The following CERS3 variants were observed in gnomAD, a reference collection of about 807,000 sequenced individuals.
CERS3 encodes the protein LAG1 homolog, ceramide synthase 3.
CERS3 carries 33 observed loss-of-function variants against 50.3 expected under a neutral mutation model. The ratio of observed to expected loss-of-function variants is 0.66; its 90% CI spans 0.50 to 0.88. CERS3 has a LOEUF of 0.88. Among genes scored for constraint, CERS3 ranks in the 40% least tolerant of loss-of-function variants. CERS3 has a pLI of 0.00. For synonymous variants in CERS3, 176 were observed against 155.2 expected, an observed-to-expected ratio of 1.13 and a Z score of -0.99; for missense variants, 470 against 460.3, an observed-to-expected ratio of 1.02 and a Z score of -0.19.
intron 1 of CERS3, among the ~76,000 whole-genome samples, chr15:100,543,072 C>T (rs1197330596): frequency 6.6e-6 from 1 of 152,084 alleles, no homozygotes; most frequent in Non-Finnish European, 1.5e-5. Flanking sequence ...CACCACCACA[C>T]CTGGCTAGTT....
In CERS3 at chr15:100,402,431, C is replaced by T. The variant is rs2030616557; in HGVS notation, c.*282G>A. ...ACAAAGCGAGCCCCTGAGAAAGTGA[C>T]ATGCATGAGGGAGTGCAATTAGAAC... On this transcript the variant is annotated 3_prime_UTR_variant, in exon 12 of 12. Transcript: ENST00000679737. 2.7e-6 allele frequency: 1 copy of T among 370,950 alleles called. No individual in the cohort carries two copies. Among genetic ancestry groups the T allele is most frequent in the Non-Finnish European group, 4.9e-6 (1 of 206,012 alleles). 23.0% of individuals were successfully genotyped at this position (370,950 alleles called of 1,614,324 possible). A position where few individuals can be genotyped will look rare whatever the true frequency, so the allele number is the denominator to read the frequency against.
chr15:100,469,397 G>A lies in CERS3; in HGVS notation c.826C>T (p.Leu276Phe). 1 of 1,613,836 alleles carries A rather than the reference G, an allele frequency of 6.2e-7. No homozygotes were observed. Among genetic ancestry groups the A allele is most frequent in the South Asian group, 1.1e-5 (1 of 91,076 alleles). ...ACTCACCAGAAAGGAAAAACAATGA[G>A]GCGGCTGATGAAAAATATGGTGGAG... ...IFSTIFFISRLIVFPFWILYC... is the reference protein window; with the variant it reads ...IFSTIFFISRFIVFPFWILYC... Residue 276 changes from leucine (L) to phenylalanine (F), a missense_variant, in exon 10 of 12, where the codon CTC (leucine) becomes TTC (phenylalanine). Coordinates refer to ENST00000679737, the MANE Select transcript of CERS3 (RefSeq NM_001378789.1).
chr15:100,496,092 T>C lies in CERS3; in HGVS notation c.174-5161A>G, dbSNP rs374139700. On this transcript the variant is annotated intron_variant, in intron 3 of 11. Transcript: ENST00000679737. Reference sequence around the variant, plus strand: ...TCTGAGGCTCACTCATGTCACGGCATGTATTTGTAGTGCATTCCTCTTCAT... The same window carrying C: ...TCTGAGGCTCACTCATGTCACGGCACGTATTTGTAGTGCATTCCTCTTCAT... Among the ~76,000 whole-genome samples the C allele has an allele frequency of 2.7e-4, 41 of 152,352 alleles. No individual in the cohort carries two copies. In the East Asian group the frequency reaches 6.9e-3, roughly 26 times the overall value.
rs34873483 is a variant in CERS3 at position 100,450,416 on chromosome 15, C to CAAAAAAAAAAAAAAAAAAAAAAAA, written c.999+5476_999+5477insTTTTTTTTTTTTTTTTTTTTTTTT. Among the ~76,000 whole-genome samples the CAAAAAAAAAAAAAAAAAAAAAAAA allele has an allele frequency of 3.2e-5, 2 of 63,428 alleles. 1 individual carries two copies. The highest frequency in any genetic ancestry group is 1.3e-4 in the African/African-American group (2 of 15,254). 41.6% of individuals were successfully genotyped at this position (63,428 alleles called of 152,430 possible). On this transcript the variant is annotated intron_variant, in intron 11 of 11. Coordinates refer to ENST00000679737, the MANE Select transcript of CERS3 (RefSeq NM_001378789.1). Reference sequence around the variant, plus strand: ...CTGGCAACACAGCAAGACTCTGTCTCAAAAAAAAAAAAAAAAAAAAAAAGA... The same window carrying CAAAAAAAAAAAAAAAAAAAAAAAA: ...CTGGCAACACAGCAAGACTCTGTCTCAAAAAAAAAAAAAAAAAAAAAAAAAAAAAAAAAAAAAAAAAAAAAAAGA...
rs190170456 is a variant in CERS3, at chr15:100,514,996, C to T, written c.-2+6671G>A. On this transcript the variant is annotated intron_variant, in intron 2 of 11. Coordinates refer to ENST00000679737, the MANE Select transcript of CERS3 (RefSeq NM_001378789.1). The stretch of plus-strand genomic sequence containing the variant: ...GCCCAGCGCTATAGATATGAAGAAA[C>T]TGAGTCCCAGGGAAATAAAATTGCT... Among the ~76,000 whole-genome samples the T allele has an allele frequency of 1.8e-4, 28 of 152,258 alleles. No individual in the cohort carries two copies. The East Asian group carries it at 4.8e-3, about 26-fold the overall frequency.
chr15:100,482,345 G>C (rs1289202379), intron 5 of CERS3, among the ~76,000 whole-genome samples: 1 of 152,168 alleles, frequency 6.6e-6, no homozygotes, highest in Non-Finnish European at 1.5e-5. Flanking sequence ...TGCAGCCAGG[G>C]AGGAATGGGC....
chr15:100,529,386 A>G (rs2036884120), upstream of CERS3: 1 of 152,184 alleles, frequency 6.6e-6, no homozygotes, highest in African/African-American at 2.4e-5. Context: ...CAGGAATGTG[A>G]TTTCTCTGCC....
chr15:100,421,504 C>A (rs1230093616), intron 11 of CERS3, among the ~76,000 whole-genome samples: 1 of 151,852 alleles, frequency 6.6e-6, no homozygotes, highest in African/African-American at 2.4e-5. Flanking sequence ...AATGGCCACA[C>A]TGCCCAAGGT....
At chr15:100,447,603 A>G (rs900259739) in intron 11 of CERS3, among the ~76,000 whole-genome samples, 3 of 152,246 alleles carry the variant, frequency 2.0e-5, no homozygotes, top group Non-Finnish European at 4.4e-5. Flanking sequence ...GTGGTAGGTT[A>G]TGATTTTAAG....
intron 11 of CERS3, among the ~76,000 whole-genome samples, chr15:100,423,318 C>CAT (rs1421981392): frequency 1.3e-5 from 2 of 152,148 alleles, no homozygotes; most frequent in African/African-American, 4.8e-5. Flanking sequence ...CATATGCACT[C>CAT]ATATGTTCAT....
intron 11 of CERS3, among the ~76,000 whole-genome samples, chr15:100,406,764 G>A (rs1002498155): frequency 1.3e-5 from 2 of 152,170 alleles, no homozygotes; most frequent in East Asian, 1.9e-4. Flanking sequence ...AAAGATTTCT[G>A]TAGAGAACAA....
At chr15:100,541,416 G>C (rs1405138554) in intron 1 of CERS3, among the ~76,000 whole-genome samples, 3 of 152,090 alleles carry the variant, frequency 2.0e-5, no homozygotes, top group Non-Finnish European at 4.4e-5. Flanking sequence ...AGGTTGCAGT[G>C]AGCCAAGATC....
intron 11 of CERS3, among the ~76,000 whole-genome samples, chr15:100,405,229 A>T (rs2030900984): frequency 1.2e-5 from 1 of 85,086 alleles, no homozygotes; most frequent in Admixed American, 1.2e-4. Flanking sequence ...TCAAAACTCA[A>T]TGGTAAAAAA....
At chr15:100,418,997 T>C (rs1475277456) in intron 11 of CERS3, among the ~76,000 whole-genome samples, 6 of 150,518 alleles carry the variant, frequency 4.0e-5, no homozygotes. Flanking sequence ...GTAAAGACCA[T>C]CGAGACTAGG....
intron 11 of CERS3, among the ~76,000 whole-genome samples, chr15:100,431,932 G>C (rs573951671): frequency 1.3e-5 from 2 of 152,252 alleles, no homozygotes; most frequent in African/African-American, 4.8e-5. Context: ...TCTTCTTTAC[G>C]GTGTGAGTAG....
intron 9 of CERS3, among the ~76,000 whole-genome samples, chr15:100,470,704 G>A (rs1295951450): frequency 6.6e-6 from 1 of 152,186 alleles, no homozygotes; most frequent in African/African-American, 2.4e-5. Context: ...GTAGACAGCA[G>A]CCCCTTTGCT....
intron 3 of CERS3, among the ~76,000 whole-genome samples, chr15:100,493,420 G>T (rs550375414): frequency 6.6e-6 from 1 of 152,160 alleles, no homozygotes; most frequent in East Asian, 1.9e-4. Context: ...TAATCATAAT[G>T]AGAATTCCTT....
chr15:100,405,094 A>G (rs2030885434), intron 11 of CERS3, among the ~76,000 whole-genome samples: 1 of 152,172 alleles, frequency 6.6e-6, no homozygotes, highest in Non-Finnish European at 1.5e-5. Context: ...GCAAACTGGA[A>G]TTCATCAAAA....
At chr15:100,419,003 C>T (rs908856305) in intron 11 of CERS3, among the ~76,000 whole-genome samples, 2 of 149,088 alleles carry the variant, frequency 1.3e-5, no homozygotes, top group African/African-American at 2.5e-5. Flanking sequence ...ACCATCGAGA[C>T]TAGGAAGAAA....
Sources: gnomAD v4.1 joint callset for allele counts (sites outside exome capture counted in the v4.1 genomes callset) on GRCh38, gnomAD v4.1.1 for gene constraint, MANE v1.5 for transcripts, NCBI Gene and HGNC (gene_info 2026-07-23, HGNC 2026-07-21) for gene names.